The following CARM1 variants were observed in gnomAD, a reference collection of about 807,000 sequenced individuals.
CARM1 encodes histone-arginine methyltransferase CARM1.
A neutral mutation model predicts 72.7 loss-of-function variants in CARM1; 14 were observed. The ratio of observed to expected loss-of-function variants is 0.19; its 90% CI spans 0.13 to 0.30. The LOEUF is 0.30. Among genes scored for constraint, CARM1 ranks in the 10% least tolerant of loss-of-function variants. CARM1 has a pLI of 1.00. For missense variants in CARM1, 432 were observed against 833.7 expected (o/e 0.52, Z 5.93); for synonymous variants, 333 against 345.5 (o/e 0.96, Z 0.40).
chr19:10,917,464 G>A (rs1294967619), intron 8 of CARM1, among the ~76,000 whole-genome samples: 2 of 151,980 alleles, frequency 1.3e-5, no homozygotes. Context: ...GCGACAGAGT[G>A]AGACTCCGTC....
chr19:10,906,610 G>A (rs138592201), intron 2 of CARM1, among the ~76,000 whole-genome samples: 9 of 152,100 alleles, frequency 5.9e-5, no homozygotes, highest in African/African-American at 7.2e-5. Flanking sequence ...TTACAGGCAC[G>A]TGCCACTGTA....
In CARM1 at chr19:10,919,878, A is replaced by G; in HGVS notation, c.1108A>G (p.Ile370Val). 1 of 1,613,486 alleles carries G rather than the reference A, an allele frequency of 6.2e-7. No individual in the cohort carries two copies. The highest frequency in any genetic ancestry group is 8.5e-7 in the Non-Finnish European group (1 of 1,179,374). Reference protein sequence around the residue: ...LEAKEGDLHRIEIPFKFHMLH... With the variant: ...LEAKEGDLHRVEIPFKFHMLH... The stretch of plus-strand genomic sequence containing the variant: ...CAGCCACTGCCCTTTGCCTTCCAGG[A>G]TAGAAATCCCATTCAAATTCCACAT... Residue 370 changes from isoleucine to valine, a missense_variant and splice_region_variant, in exon 10 of 16, where the codon ATA becomes GTA. Ile to Val is a conservative substitution (Grantham distance 29, BLOSUM62 3). Coordinates refer to ENST00000327064, the MANE Select transcript of CARM1 (RefSeq NM_199141.2).
chr19:10,915,533 C>T lies in CARM1; in HGVS notation c.848-874C>T, dbSNP rs1293268182. 2.0e-5 allele frequency among the ~76,000 whole-genome samples: 3 copies of T among 152,098 alleles called. No homozygotes were observed. Among genetic ancestry groups the T allele is most frequent in the Admixed American group, 1.3e-4 (2 of 15,274 alleles). The stretch of plus-strand genomic sequence containing the variant: ...GCCAGAGGTTCCTTCCAGGCTGGGT[C>T]ACTTCCCATGGTGCCCCCAGGTCCC... On this transcript the variant is annotated intron_variant, in intron 6 of 15. Transcript: ENST00000327064. This position sits in a 1 kb window ranked among gnomAD's most constrained non-coding sequence, Gnocchi z 4.6.
rs2074160951 is a variant in CARM1 at position 10,912,628 on chromosome 19, C to G, written c.669+334C>G. ...CCCACCCCAGCTCCCACCCCCAGCC[C>G]CATCATGAGAGAGGAGCTACGGCCA... On this transcript the variant is annotated intron_variant, in intron 5 of 15. Transcript: ENST00000327064. This position sits in a 1 kb window ranked among gnomAD's most constrained non-coding sequence, Gnocchi z 4.5. Among the ~76,000 whole-genome samples, 1 of 152,076 alleles carries G rather than the reference C, an allele frequency of 6.6e-6. No homozygotes were observed. Among genetic ancestry groups the G allele is most frequent in the Non-Finnish European group, 1.5e-5 (1 of 68,012 alleles).
At chr19:10,880,080 C>T (rs1442930121) in intron 1 of CARM1, among the ~76,000 whole-genome samples, 1 of 152,222 alleles carries the variant, frequency 6.6e-6, no homozygotes, top group African/African-American at 2.4e-5. Context: ...CCAAGCCTCA[C>T]ACACCTCAGA....
chr19:10,871,682 G>T lies in CARM1; in HGVS notation c.-21G>T. The T allele has an allele frequency of 2.9e-6, 2 of 692,142 alleles. No homozygotes were observed. The highest frequency in any genetic ancestry group is 3.5e-6 in the Non-Finnish European group (2 of 564,928). 42.9% of individuals were successfully genotyped at this position (692,142 alleles called of 1,614,324 possible). Reference sequence around the variant, plus strand: ...CCCGGGCGCAGCGGCGGCGGCGGCGGGGCCTGGAGCCGGATCTAAGATGGC... The same window carrying T: ...CCCGGGCGCAGCGGCGGCGGCGGCGTGGCCTGGAGCCGGATCTAAGATGGC... On this transcript the variant is annotated 5_prime_UTR_variant, in exon 1 of 16. Coordinates refer to ENST00000327064, the MANE Select transcript of CARM1 (RefSeq NM_199141.2). This position sits in a 1 kb window ranked among gnomAD's most constrained non-coding sequence, Gnocchi z 5.6.
intron 1 of CARM1, among the ~76,000 whole-genome samples, chr19:10,886,960 C>T (rs1253566773): frequency 6.6e-6 from 1 of 152,166 alleles, no homozygotes; most frequent in Non-Finnish European, 1.5e-5. Flanking sequence ...GCTGGGCCTC[C>T]TGCCTCGGTG....
chr19:10,880,157 G>A (rs1444536716), intron 1 of CARM1, among the ~76,000 whole-genome samples: 6 of 152,198 alleles, frequency 3.9e-5, no homozygotes, highest in Non-Finnish European at 2.9e-5. Context: ...TCCTTTCTGC[G>A]GAAACCTGCT....
In CARM1 at chr19:10,915,693, C is replaced by G. The variant is rs1211075390; in HGVS notation, c.848-714C>G. ...ACTGATACCTCAGGATCTCCTCCCCCAGCTTGCAAGGCTGGGGGGCCCACA... is the reference window on the plus strand; with the variant it reads ...ACTGATACCTCAGGATCTCCTCCCCGAGCTTGCAAGGCTGGGGGGCCCACA... On this transcript the variant is annotated intron_variant, in intron 6 of 15. Coordinates refer to ENST00000327064, the MANE Select transcript of CARM1 (RefSeq NM_199141.2). The surrounding 1 kb of genome is among the most constrained non-coding windows in gnomAD (Gnocchi z 4.6). Among the ~76,000 whole-genome samples, 1 of 152,176 alleles carries G rather than the reference C, an allele frequency of 6.6e-6. No homozygotes were observed. The highest frequency in any genetic ancestry group is 2.1e-4 in the South Asian group (1 of 4,832).
At chr19:10,878,142 G>T (rs36096247) in intron 1 of CARM1, among the ~76,000 whole-genome samples, 1,823 of 152,300 alleles carry the variant, frequency 0.012, 14 homozygotes, top group Non-Finnish European at 0.02. Context: ...GCTGGGCCCG[G>T]TGTGGCCTAT....
Position 10,921,888 on chromosome 19 carries a change from C to A in CARM1, c.*131C>A. The A allele has an allele frequency of 1.1e-6, 1 of 922,750 alleles. No individual in the cohort carries two copies. The highest frequency in any genetic ancestry group is 1.6e-6 in the Non-Finnish European group (1 of 616,562). 57.2% of individuals were successfully genotyped at this position (922,750 alleles called of 1,614,324 possible). A position where few individuals can be genotyped will look rare whatever the true frequency, so the allele number is the denominator to read the frequency against. On this transcript the variant is annotated 3_prime_UTR_variant, in exon 16 of 16. Transcript: ENST00000327064. Reference sequence around the variant, plus strand: ...GTCACAGCTCTCTTTGCTATGGGAACTGGGACACTTTTTTACACGATGTTG... The same window carrying A: ...GTCACAGCTCTCTTTGCTATGGGAAATGGGACACTTTTTTACACGATGTTG...
intron 5 of CARM1, among the ~76,000 whole-genome samples, chr19:10,913,039 C>T (rs755852324): frequency 1.3e-5 from 2 of 151,994 alleles, no homozygotes. Flanking sequence ...CAGCAGTTGT[C>T]GACGCAGGGT....
chr19:10,917,856 G>A (rs527765325), intron 8 of CARM1, among the ~76,000 whole-genome samples: 1 of 151,836 alleles, frequency 6.6e-6, no homozygotes, highest in African/African-American at 2.4e-5. Context: ...GAGTACAGGC[G>A]CTTGCCACCA....
At position 10,920,013 on chromosome 19, in the gene CARM1, G is replaced by A. The variant is rs1326343852; in HGVS notation, c.1196+47G>A. The A allele has an allele frequency of 2.8e-6, 4 of 1,446,222 alleles. No individual in the cohort carries two copies. Among genetic ancestry groups the A allele is most frequent in the South Asian group, 1.1e-5 (1 of 87,252 alleles). 89.6% of individuals were successfully genotyped at this position (1,446,222 alleles called of 1,614,324 possible). The stretch of plus-strand genomic sequence containing the variant: ...ATGCTGCCTCCTCCCCACTCCCAGG[G>A]CTTCCTGCAGCTGCAACCTGGCTGG... On this transcript the variant is annotated intron_variant, in intron 10 of 15. Transcript: ENST00000327064. This position sits in a 1 kb window ranked among gnomAD's most constrained non-coding sequence, Gnocchi z 5.3.
At chr19:10,891,975 G>T (rs917174182) in intron 1 of CARM1, among the ~76,000 whole-genome samples, 1 of 152,152 alleles carries the variant, frequency 6.6e-6, no homozygotes, top group Non-Finnish European at 1.5e-5. Flanking sequence ...TGTGTTTCCA[G>T]ACAAGCCCCA....
In CARM1 at chr19:10,873,624, GTTTTTTTTTTTTT is replaced by G. The variant is rs1169565864; in HGVS notation, c.220+1723_220+1735del. Among the ~76,000 whole-genome samples the G allele has an allele frequency of 9.1e-4, 43 of 47,346 alleles. 1 individual carries two copies. Among genetic ancestry groups the G allele is most frequent in the East Asian group, 7.1e-3 (8 of 1,134 alleles). The allele number at this position is 47,346 out of a possible 152,430, so 31.1% of individuals were successfully genotyped here. A position where few individuals can be genotyped will look rare whatever the true frequency, so the allele number is the denominator to read the frequency against. On this transcript the variant is annotated intron_variant, in intron 1 of 15. Coordinates refer to ENST00000327064, the MANE Select transcript of CARM1 (RefSeq NM_199141.2). ...TTTTTTTTAGAACAATTTTAGTTTA[GTTTTTTTTTTTTT>G]TTTTTTTTTTTTTTTTTTTTGAGAC...
chr19:10,914,254 A>T (rs958243082), intron 6 of CARM1, among the ~76,000 whole-genome samples, 200 bp downstream of exon 6: 1 of 152,170 alleles, frequency 6.6e-6, no homozygotes, highest in Non-Finnish European at 1.5e-5. Context: ...ACACGGCCAG[A>T]CACCCAGCTG....
rs1471443822 is a variant in CARM1, at chr19:10,921,402, A to G, written c.1643A>G (p.His548Arg). The change falls in exon 15 of 16, where the codon CAC becomes CGC. Residue 548 changes from histidine (H) to arginine (R), a missense_variant. His to Arg is a conservative substitution (Grantham distance 29). Transcript: ENST00000327064. ...LANTGIVNHT[H>R]SRMGSIMSTG... The stretch of plus-strand genomic sequence containing the variant: ...AACACGGGGATTGTCAATCACACCC[A>G]CTCCCGGATGGGCTCCATAATGAGC... 3 of 1,609,672 alleles carry G rather than the reference A, an allele frequency of 1.9e-6. No individual in the cohort carries two copies. Among genetic ancestry groups the G allele is most frequent in the African/African-American group, 2.7e-5 (2 of 74,542 alleles).
At chr19:10,872,167 G>A (rs1390842843) in intron 1 of CARM1, among the ~76,000 whole-genome samples, 5 of 151,972 alleles carry the variant, frequency 3.3e-5, no homozygotes, top group African/African-American at 9.7e-5. Context: ...GAAATGGGGA[G>A]TGAAGGGCCT....
Sources: gnomAD v4.1 joint callset for allele counts (sites outside exome capture counted in the v4.1 genomes callset) on GRCh38, gnomAD v4.1.1 for gene constraint, Gnocchi (gnomAD v3.1) non-coding constraint, MANE v1.5 for transcripts, NCBI Gene and HGNC (gene_info 2026-07-23, HGNC 2026-07-21) for gene names.